The following CDC42BPA variants were observed in gnomAD, a reference collection of about 807,000 sequenced individuals.
The protein encoded by CDC42BPA is CDC42 binding protein kinase alpha.
Under a neutral mutation model 223.5 loss-of-function variants are expected in CDC42BPA, and 80 were observed. The ratio of observed to expected loss-of-function variants is 0.36; its 90% CI spans 0.30 to 0.43. The LOEUF (loss-of-function observed/expected upper bound fraction) is 0.43, where lower values mean the gene tolerates loss of function less well. CDC42BPA is among the 20% of genes least tolerant of loss of function. The pLI is 1.00. For missense variants in CDC42BPA, 1,743 were observed against 2,099.9 expected (o/e 0.83, Z 3.32); for synonymous variants, 694 against 718.6 (o/e 0.97, Z 0.55).
chr1:227,238,742 G>C (rs1030056025), intron 2 of CDC42BPA, among the ~76,000 whole-genome samples: 2 of 152,188 alleles, frequency 1.3e-5, no homozygotes, highest in Admixed American at 6.5e-5. Flanking sequence ...GTACTACCTT[G>C]AAGGGAAACA....
At chr1:227,170,540 A>C (rs1236054125) in intron 5 of CDC42BPA, among the ~76,000 whole-genome samples, 1 of 152,126 alleles carries the variant, frequency 6.6e-6, no homozygotes, top group Non-Finnish European at 1.5e-5. Flanking sequence ...GAGATGTATT[A>C]TCTTCTCCCT....
intron 23 of CDC42BPA, among the ~76,000 whole-genome samples, chr1:227,043,596 T>C (rs1671823062): frequency 6.6e-6 from 1 of 152,182 alleles, no homozygotes. Context: ...CATAAAATAA[T>C]ATCAGCTTGA....
intron 35 of CDC42BPA, among the ~76,000 whole-genome samples, chr1:227,000,666 T>C (rs1662634809): frequency 6.6e-6 from 1 of 152,186 alleles, no homozygotes; most frequent in Admixed American, 6.5e-5. Context: ...TTCTGGTCTT[T>C]TCACTGCCTC....
intron 18 of CDC42BPA, 122 bp from the exon 19 acceptor site, chr1:227,074,134 TA>T: frequency 1.5e-6 from 2 of 1,356,538 alleles, no homozygotes; most frequent in Non-Finnish European, 2.0e-6. Context: ...AGTTTTCTCA[TA>T]AAAAACTCTT....
chr1:227,137,753 C>T (rs1198699188), intron 10 of CDC42BPA, among the ~76,000 whole-genome samples: 3 of 150,094 alleles, frequency 2.0e-5, no homozygotes, highest in Non-Finnish European at 3.0e-5. Context: ...AGATGCCATA[C>T]ACAAAAGAGA....
At chr1:227,199,791 G>GT (rs1028390322) in intron 3 of CDC42BPA, 139 bp from the exon 4 acceptor site, 28 of 449,636 alleles carry the variant, frequency 6.2e-5, no homozygotes, top group African/African-American at 5.1e-4. Context: ...AATAACACAA[G>GT]TTTCAAACCA....
At chr1:227,051,116 C>T (rs1673451666) in intron 22 of CDC42BPA, among the ~76,000 whole-genome samples, 1 of 152,164 alleles carries the variant, frequency 6.6e-6, no homozygotes, top group African/African-American at 2.4e-5. Flanking sequence ...TGACTACAAC[C>T]TCACACTTCA....
At chr1:227,162,836 C>A (rs1225646194) in intron 5 of CDC42BPA, among the ~76,000 whole-genome samples, 1 of 127,498 alleles carries the variant, frequency 7.8e-6, no homozygotes, top group East Asian at 2.2e-4. Context: ...AAACTGTCTC[C>A]AAAAGAAAAA....
At chr1:227,069,527 G>A (rs1677837302) in intron 21 of CDC42BPA, 1 of 293,856 alleles carries the variant, frequency 3.4e-6, no homozygotes, top group Non-Finnish European at 6.3e-6. Flanking sequence ...TAAGGGAGAT[G>A]AAATTGCTTT....
intron 1 of CDC42BPA, among the ~76,000 whole-genome samples, chr1:227,291,985 T>C (rs1166420975): frequency 1.4e-5 from 2 of 146,314 alleles, no homozygotes; most frequent in African/African-American, 4.9e-5. Flanking sequence ...CTATAACAGA[T>C]AATTTTTTTT....
At chr1:227,103,974 A>G (rs929840747) in intron 14 of CDC42BPA, among the ~76,000 whole-genome samples, 5 of 152,124 alleles carry the variant, frequency 3.3e-5, no homozygotes, top group African/African-American at 1.2e-4. Flanking sequence ...AAAAGAAACA[A>G]GATCAAAATT....
intron 1 of CDC42BPA, among the ~76,000 whole-genome samples, chr1:227,274,765 T>G (rs1686633033): frequency 6.6e-6 from 1 of 152,122 alleles, no homozygotes; most frequent in African/African-American, 2.4e-5. Flanking sequence ...AATAAAGGTA[T>G]ATTATTTATA....
Position 227,029,084 on chromosome 1 carries a change from C to A in CDC42BPA, c.4005G>T (p.Gly1335=). The part of the protein sequence containing the change: ...TDFYKLSETK[G]CQTVTSGKVR... ...CCTTTCCAGAAGTTACGGTTTGACA[C>A]CCTTTAGTTTCTGACAGCTTGTAAA... Residue 1335 remains glycine, a synonymous_variant, in exon 30 of 37, where the codon GGG becomes GGT. Transcript: ENST00000366766. 6.2e-7 allele frequency: 1 copy of A among 1,613,878 alleles called. No homozygotes were observed. The highest frequency in any genetic ancestry group is 8.5e-7 in the Non-Finnish European group (1 of 1,180,028).
chr1:227,299,158 G>T (rs2148716225), intron 1 of CDC42BPA, among the ~76,000 whole-genome samples: 1 of 152,296 alleles, frequency 6.6e-6, no homozygotes, highest in South Asian at 2.1e-4. Context: ...ATTTTGGAAA[G>T]AAAATGAAAC....
At chr1:227,099,641 C>T (rs1684638966) in intron 15 of CDC42BPA, among the ~76,000 whole-genome samples, 2 of 152,132 alleles carry the variant, frequency 1.3e-5, no homozygotes, top group South Asian at 4.2e-4. Flanking sequence ...TATTCTTTTC[C>T]CATCATTCTA....
chr1:227,255,322 G>A (rs1682851268), intron 1 of CDC42BPA, among the ~76,000 whole-genome samples: 1 of 152,142 alleles, frequency 6.6e-6, no homozygotes, highest in Non-Finnish European at 1.5e-5. Context: ...AAACAGATAG[G>A]TCATACAGTT....
chr1:227,121,969 T>C (rs767374275), intron 11 of CDC42BPA, among the ~76,000 whole-genome samples: 5 of 151,868 alleles, frequency 3.3e-5, no homozygotes, highest in Non-Finnish European at 7.4e-5. Context: ...TCTGGCTAAT[T>C]CTTGTATTTT....
In CDC42BPA at chr1:227,317,510, T is replaced by C. The variant is rs1449151634; in HGVS notation, c.-328A>G. 4 of 371,280 alleles carry C rather than the reference T, an allele frequency of 1.1e-5. No homozygotes were observed. The highest frequency in any genetic ancestry group is 7.3e-5 in the African/African-American group (3 of 40,954). The allele number at this position is 371,280 out of a possible 1,614,324, so 23.0% of individuals were successfully genotyped here. A position where few individuals can be genotyped will look rare whatever the true frequency, so the allele number is the denominator to read the frequency against. ...AACGAACTAGAGAGTCAACACTTCT[T>C]TAAAAAAAAAAAAAAAAACTCTTCT... On this transcript the variant is annotated 5_prime_UTR_variant, in exon 1 of 37. An upstream open reading frame in the 5' UTR loses its in-frame stop. Coordinates refer to ENST00000366766, the MANE Select transcript of CDC42BPA (RefSeq NM_001394014.1).
intron 5 of CDC42BPA, among the ~76,000 whole-genome samples, chr1:227,167,801 T>C (rs1467982198): frequency 6.6e-6 from 1 of 152,228 alleles, no homozygotes; most frequent in African/African-American, 2.4e-5. Flanking sequence ...ATCTAGACAT[T>C]TACAATTTTA....
Sources: allele counts gnomAD v4.1 joint callset (sites outside exome capture counted in the v4.1 genomes callset), GRCh38; gene constraint gnomAD v4.1.1; transcripts MANE v1.5; gene names NCBI Gene and HGNC (gene_info 2026-07-23, HGNC 2026-07-21).